MAN2A1: variants seen among roughly 807,000 people sequenced by gnomAD.
MAN2A1 encodes alpha-mannosidase 2.
Under a neutral mutation model 142.6 loss-of-function variants are expected in MAN2A1, and 76 were observed. The observed-to-expected ratio is 0.53, with a 90% CI of 0.44 to 0.65. The LOEUF (loss-of-function observed/expected upper bound fraction) is 0.65, where lower values mean the gene tolerates loss of function less well. Ranked by LOEUF, MAN2A1 falls within the 30% of genes least tolerant of loss-of-function variation. The pLI is 0.00. For synonymous variants in MAN2A1, 559 were observed against 473.2 expected (o/e 1.18, Z -2.35); for missense variants, 1,311 against 1,365.1 (o/e 0.96, Z 0.62).
chr5:109,772,305 C>G (rs956354404), intron 7 of MAN2A1, among the ~76,000 whole-genome samples: 18 of 151,840 alleles, frequency 1.2e-4, no homozygotes, highest in South Asian at 2.1e-4. Flanking sequence ...GGAGGCAGAG[C>G]TTGCAGTGAG....
At chr5:109,729,571 C>G (rs907360879) in intron 4 of MAN2A1, 58 bp downstream of exon 4, 1 of 882,490 alleles carries the variant, frequency 1.1e-6, no homozygotes, top group African/African-American at 1.7e-5. Flanking sequence ...GTACAATGAA[C>G]TAAGTATTGA....
rs1265734155 is a variant in MAN2A1, at chr5:109,781,487, T to C, written c.1466T>C (p.Leu489Ser). The C allele has an allele frequency of 2.5e-6, 4 of 1,613,436 alleles. No homozygotes were observed. The Middle Eastern group carries it at 5.0e-4, about 200-fold the overall frequency. ...RDKGQSMFPV[L>S]SGDFFTYADR... ...AAGGGCCAATCGATGTTCCCTGTTT[T>C]AAGTGGAGATTTTTTCACTTATGCC... is the stretch of plus-strand genomic sequence containing the variant. Residue 489 changes from leucine (L) to serine (S), a missense_variant, in exon 9 of 22, where the codon TTA becomes TCA. Transcript: ENST00000261483.
chr5:109,783,475 TTTAG>T (rs2112669795), intron 9 of MAN2A1, among the ~76,000 whole-genome samples: 2 of 152,304 alleles, frequency 1.3e-5, no homozygotes, highest in South Asian at 4.1e-4. Flanking sequence ...AGATACACAA[TTTAG>T]TTAATTCAAG....
At chr5:109,706,662 G>A (rs189963865) in intron 1 of MAN2A1, among the ~76,000 whole-genome samples, 3 of 152,178 alleles carry the variant, frequency 2.0e-5, no homozygotes, top group African/African-American at 7.2e-5. Flanking sequence ...GCTCTTACAT[G>A]GTGGGCACAT....
chr5:109,732,895 T>G (rs1266185812), intron 4 of MAN2A1, among the ~76,000 whole-genome samples: 5 of 152,174 alleles, frequency 3.3e-5, no homozygotes, highest in African/African-American at 1.2e-4. Context: ...TCCAATTCTG[T>G]GAAGAAAATC....
chr5:109,804,306 T>C (rs1351821264), intron 12 of MAN2A1: 2 of 984,544 alleles, frequency 2.0e-6, no homozygotes, highest in African/African-American at 3.5e-5. Flanking sequence ...ATAGAGCCTT[T>C]GGACTTATTT....
At chr5:109,832,777 C>G (rs1023011350) in intron 16 of MAN2A1, among the ~76,000 whole-genome samples, 2 of 151,760 alleles carry the variant, frequency 1.3e-5, no homozygotes, top group East Asian at 4.0e-4. Flanking sequence ...GGCTGCCCCC[C>G]ACCTCCCTCC....
chr5:109,758,006 T>G (rs1008763332), intron 5 of MAN2A1, among the ~76,000 whole-genome samples: 2 of 152,164 alleles, frequency 1.3e-5, no homozygotes, highest in Non-Finnish European at 2.9e-5. Context: ...TATACACATT[T>G]GTTTAAAAGT....
intron 3 of MAN2A1, among the ~76,000 whole-genome samples, chr5:109,716,678 G>A (rs1751461505): frequency 6.6e-6 from 1 of 152,200 alleles, no homozygotes; most frequent in South Asian, 2.1e-4. Context: ...AGTATTAAAT[G>A]CTTTAAGAAC....
At chr5:109,858,026 T>C (rs1289367883) in intron 20 of MAN2A1, among the ~76,000 whole-genome samples, 6 of 152,236 alleles carry the variant, frequency 3.9e-5, no homozygotes, top group Admixed American at 3.3e-4. Flanking sequence ...TACCTTGTTA[T>C]CCTAATGACA....
intron 3 of MAN2A1, among the ~76,000 whole-genome samples, chr5:109,728,780 T>TAC (rs1751818474): frequency 6.6e-6 from 1 of 152,212 alleles, no homozygotes; most frequent in African/African-American, 2.4e-5. Context: ...CAAATGCCTG[T>TAC]ATTTTGCAGA....
At chr5:109,821,555 T>G (rs1172340216) in intron 15 of MAN2A1, among the ~76,000 whole-genome samples, 2 of 152,170 alleles carry the variant, frequency 1.3e-5, no homozygotes, top group African/African-American at 4.8e-5. Flanking sequence ...TTTTTTGAGA[T>G]TAACTCTAAA....
chr5:109,738,048 T>A (rs530488029), intron 4 of MAN2A1, among the ~76,000 whole-genome samples: 30 of 152,278 alleles, frequency 2.0e-4, no homozygotes, highest in Admixed American at 1.6e-3. Context: ...GCGTGAAGTT[T>A]TGTACCTTCA....
At chr5:109,777,492 ATGT>A (rs1289689341) in intron 8 of MAN2A1, among the ~76,000 whole-genome samples, 2 of 152,018 alleles carry the variant, frequency 1.3e-5, no homozygotes, top group African/African-American at 4.8e-5. Context: ...AGTTATGCAA[ATGT>A]TGTCTCCTAC....
chr5:109,840,952 T>G (rs1288377569), intron 16 of MAN2A1, among the ~76,000 whole-genome samples: 1 of 152,224 alleles, frequency 6.6e-6, no homozygotes, highest in African/African-American at 2.4e-5. Context: ...TCTGCTAAGC[T>G]CTGGGGATTC....
chr5:109,728,314 G>C (rs982446064), intron 3 of MAN2A1, among the ~76,000 whole-genome samples: 1 of 151,992 alleles, frequency 6.6e-6, no homozygotes, highest in East Asian at 1.9e-4. Context: ...ACTATATACA[G>C]ATAAGAAACA....
intron 10 of MAN2A1, among the ~76,000 whole-genome samples, chr5:109,785,340 C>T (rs1753568846): frequency 6.6e-6 from 1 of 150,550 alleles, no homozygotes; most frequent in Non-Finnish European, 1.5e-5. Context: ...TCCAATTGTT[C>T]TTGTATACTT....
chr5:109,720,932 A>G (rs1313851336), intron 3 of MAN2A1, among the ~76,000 whole-genome samples: 2 of 152,212 alleles, frequency 1.3e-5, no homozygotes, highest in Non-Finnish European at 2.9e-5. Flanking sequence ...ACTGCAGGAT[A>G]AAGTGGATTG....
chr5:109,808,377 T>G lies in MAN2A1; in HGVS notation c.1944-8896T>G, dbSNP rs563676331. 1.1e-4 allele frequency among the ~76,000 whole-genome samples: 17 copies of G among 152,308 alleles called. No individual in the cohort carries two copies. In the South Asian group the frequency reaches 2.9e-3, roughly 26 times the overall value. On this transcript the variant is annotated intron_variant, in intron 12 of 21. Coordinates refer to ENST00000261483, the MANE Select transcript of MAN2A1 (RefSeq NM_002372.4). The stretch of plus-strand genomic sequence containing the variant: ...CCCTAGAACCTAGAGGAGGTAACTA[T>G]TAACAACAGTTTCTTTTTAGAATTT...
Sources: gnomAD v4.1 joint callset for allele counts (sites outside exome capture counted in the v4.1 genomes callset) on GRCh38, gnomAD v4.1.1 for gene constraint, MANE v1.5 for transcripts, NCBI Gene and HGNC (gene_info 2026-07-23, HGNC 2026-07-21) for gene names.